Variants in STPG2 observed in about 807,000 individuals in gnomAD.
STPG2 encodes the protein sperm tail PG-rich repeat containing 2.
A neutral mutation model predicts 54.2 loss-of-function variants in STPG2; 56 were observed. The ratio of observed to expected loss-of-function variants is 1.03; its 90% CI spans 0.83 to 1.29. STPG2 has a LOEUF of 1.29. Among genes scored for constraint, STPG2 ranks in the 50% most tolerant of loss-of-function variants. The pLI is 0.00. For missense variants in STPG2, 596 were observed against 544.9 expected (o/e 1.09, Z -0.93); for synonymous variants, 200 against 181.8 (o/e 1.10, Z -0.81).
chr4:97,614,871 G>A (rs1268816158), intron 10 of STPG2, among the ~76,000 whole-genome samples: 6 of 152,118 alleles, frequency 3.9e-5, no homozygotes, highest in Non-Finnish European at 7.4e-5. Flanking sequence ...TAAGCTAAAC[G>A]AATTGAAATG....
intron 9 of STPG2, among the ~76,000 whole-genome samples, chr4:97,718,488 G>A (rs1305978919): frequency 6.6e-6 from 1 of 151,954 alleles, no homozygotes; most frequent in Non-Finnish European, 1.5e-5. Flanking sequence ...TTTATTTAGT[G>A]AGAAGCCAAT....
intron 3 of STPG2, among the ~76,000 whole-genome samples, chr4:98,124,304 G>A (rs757335650): frequency 5.3e-5 from 8 of 152,160 alleles, no homozygotes; most frequent in Admixed American, 1.3e-4. Context: ...TGTTTGTGTA[G>A]TGGCCAGTAA....
chr4:97,931,503 G>A (rs1732543503), intron 8 of STPG2, among the ~76,000 whole-genome samples: 1 of 152,116 alleles, frequency 6.6e-6, no homozygotes, highest in African/African-American at 2.4e-5. Context: ...TGCATATGTT[G>A]AAACAACCTT....
At chr4:97,565,158 TC>T (rs896741215) in intron 10 of STPG2, among the ~76,000 whole-genome samples, 7 of 152,158 alleles carry the variant, frequency 4.6e-5, no homozygotes, top group African/African-American at 1.7e-4. Flanking sequence ...TCTCTAAACT[TC>T]CCTTCTCGCT....
intron 10 of STPG2, among the ~76,000 whole-genome samples, chr4:97,626,881 T>C (rs527301826): frequency 6.6e-6 from 1 of 152,272 alleles, no homozygotes; most frequent in Non-Finnish European, 1.5e-5. Flanking sequence ...GCTTTTTATA[T>C]AAAGATCTTA....
chr4:97,566,499 G>T (rs1178851663), intron 10 of STPG2, among the ~76,000 whole-genome samples: 1 of 152,174 alleles, frequency 6.6e-6, no homozygotes, highest in Non-Finnish European at 1.5e-5. Context: ...TACCTCAGAT[G>T]GAAATGCAGA....
intron 8 of STPG2, among the ~76,000 whole-genome samples, chr4:97,926,631 T>C (rs1732341043): frequency 6.6e-6 from 1 of 152,164 alleles, no homozygotes; most frequent in Admixed American, 6.5e-5. Flanking sequence ...ATTTCTGACA[T>C]AGAAATTCTA....
In STPG2 at chr4:98,019,964, C is replaced by A. The variant is rs568872164; in HGVS notation, c.613-38646G>T. On this transcript the variant is annotated intron_variant, in intron 5 of 10. Coordinates refer to ENST00000295268, the MANE Select transcript of STPG2 (RefSeq NM_174952.3). Reference sequence around the variant, plus strand: ...GATATACAATCATGTCGTCTGCAAACAGGGACAATTTGACTTCCTCTTTTC... The same window carrying A: ...GATATACAATCATGTCGTCTGCAAAAAGGGACAATTTGACTTCCTCTTTTC... Among the ~76,000 whole-genome samples, 3 of 122,268 alleles carry A rather than the reference C, an allele frequency of 2.5e-5. No individual in the cohort carries two copies. In the East Asian group the frequency reaches 6.6e-4, roughly 27 times the overall value. The allele number at this position is 122,268 out of a possible 152,430, so 80.2% of individuals were successfully genotyped here. A position where few individuals can be genotyped will look rare whatever the true frequency, so the allele number is the denominator to read the frequency against.
At chr4:97,904,259 A>C (rs374820375) in intron 8 of STPG2, among the ~76,000 whole-genome samples, 6 of 152,218 alleles carry the variant, frequency 3.9e-5, no homozygotes, top group Non-Finnish European at 2.9e-5. Context: ...ATCTGAGAAC[A>C]GGCAGACTGC....
chr4:98,041,333 G>A (rs1487504966), intron 5 of STPG2, among the ~76,000 whole-genome samples: 1 of 151,896 alleles, frequency 6.6e-6, no homozygotes, highest in African/African-American at 2.4e-5. Flanking sequence ...TCTCTTGCCT[G>A]ATTGCTCTGG....
At chr4:97,626,353 G>C (rs1202123248) in intron 10 of STPG2, among the ~76,000 whole-genome samples, 2 of 151,842 alleles carry the variant, frequency 1.3e-5, no homozygotes, top group Non-Finnish European at 2.9e-5. Context: ...CTTCTCTATT[G>C]GTAAACACCT....
intron 8 of STPG2, among the ~76,000 whole-genome samples, chr4:97,844,630 A>G (rs2149124942): frequency 6.6e-6 from 1 of 152,118 alleles, no homozygotes; most frequent in Non-Finnish European, 1.5e-5. Flanking sequence ...TTTGACTATA[A>G]TGTATCTAAG....
At chr4:97,539,483 G>C (rs1397594275) in intron 4 of STPG2, among the ~76,000 whole-genome samples, 1 of 152,200 alleles carries the variant, frequency 6.6e-6, no homozygotes, top group Non-Finnish European at 1.5e-5. Flanking sequence ...AATTCAACAA[G>C]AAGATCTAAC....
At chr4:98,132,252 C>CA (rs1314437570) in intron 2 of STPG2, among the ~76,000 whole-genome samples, 1 of 151,506 alleles carries the variant, frequency 6.6e-6, no homozygotes, top group African/African-American at 2.4e-5. Context: ...TTGCTAGGAG[C>CA]AAAAAATGAA....
At chr4:98,098,306 A>C (rs1441972626) in intron 5 of STPG2, among the ~76,000 whole-genome samples, 1 of 151,924 alleles carries the variant, frequency 6.6e-6, no homozygotes, top group African/African-American at 2.4e-5. Flanking sequence ...GAGAACCCGG[A>C]AAAAAAACCC....
chr4:98,103,612 G>T (rs940293451), intron 5 of STPG2, among the ~76,000 whole-genome samples: 4 of 150,538 alleles, frequency 2.7e-5, no homozygotes, highest in Admixed American at 6.6e-5. Context: ...TTGCACTCCA[G>T]CCTGGGCAAG....
intron 8 of STPG2, among the ~76,000 whole-genome samples, chr4:97,936,619 T>C (rs1732754642): frequency 6.6e-6 from 1 of 152,182 alleles, no homozygotes; most frequent in Non-Finnish European, 1.5e-5. Flanking sequence ...AATGATTTTA[T>C]TTCTCCTTCA....
At chr4:97,740,020 C>G (rs956566075) in intron 9 of STPG2, among the ~76,000 whole-genome samples, 3 of 152,054 alleles carry the variant, frequency 2.0e-5, no homozygotes, top group African/African-American at 7.2e-5. Flanking sequence ...CCACCATGAT[C>G]AAGTGGGCTT....
chr4:97,499,430 G>C (rs544228173), intron 4 of STPG2, among the ~76,000 whole-genome samples: 1 of 151,904 alleles, frequency 6.6e-6, no homozygotes, highest in Non-Finnish European at 1.5e-5. Flanking sequence ...GAGGAAATAC[G>C]AGTGAACAAA....
Sources: allele counts gnomAD v4.1 joint callset (sites outside exome capture counted in the v4.1 genomes callset), GRCh38; gene constraint gnomAD v4.1.1; transcripts MANE v1.5; gene names NCBI Gene and HGNC (gene_info 2026-07-23, HGNC 2026-07-21).